The following ERC2 variants were observed in gnomAD, a reference collection of about 807,000 sequenced individuals.
ERC2 encodes the protein ERC protein 2.
A neutral mutation model predicts 114.8 loss-of-function variants in ERC2; 42 were observed. The ratio of observed to expected loss-of-function variants is 0.37; its 90% confidence interval spans 0.29 to 0.47. The LOEUF (loss-of-function observed/expected upper bound fraction) is 0.47, where lower values mean the gene tolerates loss of function less well. ERC2 is among the 20% of genes least tolerant of loss of function. The pLI, the probability that ERC2 is intolerant of heterozygous loss-of-function variation, is 0.99. For missense variants in ERC2, 939 were observed against 1,150.7 expected (o/e 0.82, Z 2.66); for synonymous variants, 454 against 425.5 (o/e 1.07, Z -0.82).
chr3:56,103,114 A>C (rs1005500976), intron 6 of ERC2, among the ~76,000 whole-genome samples: 1 of 152,146 alleles, frequency 6.6e-6, no homozygotes, highest in African/African-American at 2.4e-5. Context: ...TCCTGGAGGA[A>C]GGGATATTGA....
intron 2 of ERC2, among the ~76,000 whole-genome samples, chr3:56,407,918 C>A (rs1011478540): frequency 6.6e-6 from 1 of 152,206 alleles, no homozygotes; most frequent in African/African-American, 2.4e-5. Context: ...CTAAGTCCTA[C>A]TCTGTCTTCA....
chr3:56,115,979 G>A (rs1273050930), intron 6 of ERC2, among the ~76,000 whole-genome samples: 7 of 152,086 alleles, frequency 4.6e-5, no homozygotes, highest in Admixed American at 6.5e-5. Flanking sequence ...TTATTCAAAC[G>A]AGCTAATTCT....
Position 56,062,902 on chromosome 3 carries a change from T to A in ERC2, c.1641+17915A>T, listed in dbSNP as rs147356196. On this transcript the variant is annotated intron_variant, in intron 7 of 17. Transcript: ENST00000288221. ...GACTAGGTTGTTTCTCCAGTCCTTT[T>A]CAGTGCCAACATCCTACCCTGCCCC... Among the ~76,000 whole-genome samples the A allele has an allele frequency of 1.1e-3, 175 of 152,296 alleles. 4 individuals carry two copies. The East Asian group carries it at 0.026, about 22-fold the overall frequency.
chr3:56,170,155 T>A (rs1242211280), intron 4 of ERC2, among the ~76,000 whole-genome samples: 1 of 152,212 alleles, frequency 6.6e-6, no homozygotes, highest in Non-Finnish European at 1.5e-5. Flanking sequence ...GGATCAAAAT[T>A]AAAACTTGAA....
At chr3:55,754,285 G>A (rs2066910631) in intron 14 of ERC2, among the ~76,000 whole-genome samples, 1 of 151,782 alleles carries the variant, frequency 6.6e-6, no homozygotes, top group Admixed American at 6.6e-5. Context: ...TGTTTACCAT[G>A]GTATCACAAT....
At chr3:55,796,866 C>T (rs368771460) in intron 14 of ERC2, among the ~76,000 whole-genome samples, 7 of 152,242 alleles carry the variant, frequency 4.6e-5, no homozygotes, top group African/African-American at 1.7e-4. Flanking sequence ...TTGTCAACTC[C>T]GAAACAGTAA....
intron 16 of ERC2, among the ~76,000 whole-genome samples, chr3:55,689,783 G>T (rs2062541261): frequency 6.7e-6 from 1 of 149,392 alleles, no homozygotes; most frequent in South Asian, 2.1e-4. Context: ...GGCAACAAGA[G>T]CGAGACTCCG....
At chr3:55,861,093 C>A (rs2062008938) in intron 14 of ERC2, among the ~76,000 whole-genome samples, 1 of 152,230 alleles carries the variant, frequency 6.6e-6, no homozygotes, top group African/African-American at 2.4e-5. Flanking sequence ...TAGCAAACAA[C>A]TGGCCAGCAC....
intron 12 of ERC2, among the ~76,000 whole-genome samples, chr3:55,968,738 A>G (rs1261119612): frequency 6.6e-6 from 1 of 152,228 alleles, no homozygotes; most frequent in African/African-American, 2.4e-5. Context: ...CTCATTAACA[A>G]TAATGAGAGA....
intron 6 of ERC2, among the ~76,000 whole-genome samples, chr3:56,109,211 G>GCGGTT (rs1043351797): frequency 1.3e-5 from 2 of 151,850 alleles, no homozygotes; most frequent in African/African-American, 4.8e-5. Context: ...CCCAGCATCT[G>GCGGTT]CGGTTCCCCT....
intron 2 of ERC2, among the ~76,000 whole-genome samples, chr3:56,354,871 G>A (rs2058684251): frequency 6.6e-6 from 1 of 152,184 alleles, no homozygotes; most frequent in Non-Finnish European, 1.5e-5. Context: ...ATTTACTTCT[G>A]GAGTTAACAC....
At chr3:56,374,386 A>G (rs1258764548) in intron 2 of ERC2, among the ~76,000 whole-genome samples, 1 of 152,172 alleles carries the variant, frequency 6.6e-6, no homozygotes, top group Non-Finnish European at 1.5e-5. Context: ...CAAGAGCCAC[A>G]GCGCCTGGCC....
intron 7 of ERC2, among the ~76,000 whole-genome samples, chr3:56,026,957 A>G (rs2074092882): frequency 6.6e-6 from 1 of 152,232 alleles, no homozygotes; most frequent in African/African-American, 2.4e-5. Context: ...ATAGCTGCAC[A>G]CAAATCCCTC....
At chr3:56,450,164 A>G (rs1192673346) in intron 1 of ERC2, among the ~76,000 whole-genome samples, 2 of 152,236 alleles carry the variant, frequency 1.3e-5, no homozygotes, top group Non-Finnish European at 2.9e-5. Flanking sequence ...TCATTCTCCA[A>G]AAAGCTCTAT....
chr3:55,772,428 C>T (rs1387078064), intron 14 of ERC2, among the ~76,000 whole-genome samples: 4 of 151,966 alleles, frequency 2.6e-5, no homozygotes, highest in Admixed American at 6.5e-5. Context: ...CATTCTCCTG[C>T]CTCAGCCCCC....
chr3:56,433,287 G>A (rs2061875581), intron 2 of ERC2, among the ~76,000 whole-genome samples: 1 of 151,574 alleles, frequency 6.6e-6, no homozygotes, highest in African/African-American at 2.4e-5. Flanking sequence ...CAGCATTTTA[G>A]GAAATAAAGT....
At chr3:55,533,781 C>G (rs1267908795) in intron 17 of ERC2, among the ~76,000 whole-genome samples, 1 of 152,166 alleles carries the variant, frequency 6.6e-6, no homozygotes, top group East Asian at 1.9e-4. Context: ...CTCACATGCC[C>G]GCACTTCACC....
chr3:56,283,961 C>T (rs2054516187), intron 3 of ERC2, among the ~76,000 whole-genome samples: 1 of 152,206 alleles, frequency 6.6e-6, no homozygotes, highest in African/African-American at 2.4e-5. Context: ...AAGAACAGAA[C>T]CCCTGCCACA....
chr3:56,088,306 G>C (rs558627948), intron 6 of ERC2, among the ~76,000 whole-genome samples: 1 of 152,062 alleles, frequency 6.6e-6, no homozygotes, highest in African/African-American at 2.4e-5. Context: ...CAATAAACTC[G>C]TATGATTTTG....
Sources: allele counts gnomAD v4.1 joint callset (sites outside exome capture counted in the v4.1 genomes callset), GRCh38; gene constraint gnomAD v4.1.1; transcripts MANE v1.5; gene names NCBI Gene and HGNC (gene_info 2026-07-23, HGNC 2026-07-21).